The following CENPE variants were observed in gnomAD, a reference collection of about 807,000 sequenced individuals.
CENPE encodes centromere protein E.
CENPE carries 145 observed loss-of-function variants against 336.1 expected under a neutral mutation model. That is an observed-to-expected ratio of 0.43 (90% CI 0.38 to 0.50). The LOEUF (loss-of-function observed/expected upper bound fraction) is 0.50, where lower values mean the gene tolerates loss of function less well. Ranked by LOEUF, CENPE falls within the 20% of genes least tolerant of loss-of-function variation. The probability of loss-of-function intolerance (pLI) is 0.00; values close to 1 mark genes in which losing one functional copy is unlikely to be tolerated. For synonymous variants in CENPE, 1,013 were observed against 984.8 expected, an observed-to-expected ratio of 1.03 and a Z score of -0.54; for missense variants, 2,719 against 3,023.3, an observed-to-expected ratio of 0.90 and a Z score of 2.36.
Position 103,191,700 on chromosome 4 carries a change from C to T in CENPE, c.693+2529G>A, listed in dbSNP as rs143832506. Among the ~76,000 whole-genome samples, 17 of 151,402 alleles carry T rather than the reference C, an allele frequency of 1.1e-4. No individual in the cohort carries two copies. In the East Asian group the frequency reaches 1.4e-3, roughly 12 times the overall value. ...TAGGAGATATACCTAATGTAAATGA[C>T]GAGTTAATGGGTGCAGTATACCAAC... On this transcript the variant is annotated intron_variant, in intron 8 of 48. Coordinates refer to ENST00000265148, the MANE Select transcript of CENPE (RefSeq NM_001813.3).
At chr4:103,150,566 C>T (rs1753457217) in intron 26 of CENPE, among the ~76,000 whole-genome samples, 2 of 150,836 alleles carry the variant, frequency 1.3e-5, no homozygotes, top group South Asian at 4.2e-4. Flanking sequence ...GCCTGGGTGA[C>T]AGAGTGAGAC....
intron 8 of CENPE, among the ~76,000 whole-genome samples, chr4:103,189,526 A>G (rs956720722): frequency 1.3e-5 from 2 of 152,220 alleles, no homozygotes; most frequent in African/African-American, 4.8e-5. Context: ...TATAAACAGA[A>G]CCAAAGACAA....
chr4:103,160,842 A>G, intron 20 of CENPE, 63 bp from the exon 21 acceptor site: 6 of 1,383,056 alleles, frequency 4.3e-6, no homozygotes, highest in African/African-American at 1.5e-5. Flanking sequence ...TTAATTTTTA[A>G]TTGTCCTTGA....
chr4:103,119,520 T>A (rs1003196039), intron 44 of CENPE, among the ~76,000 whole-genome samples: 4 of 152,218 alleles, frequency 2.6e-5, no homozygotes, highest in African/African-American at 7.2e-5. Context: ...CAATGTTAAA[T>A]AATGAATAAA....
chr4:103,185,676 T>C (rs1045188153), intron 9 of CENPE, 134 bp downstream of exon 9: 3 of 505,786 alleles, frequency 5.9e-6, no homozygotes, highest in Non-Finnish European at 1.0e-5. Flanking sequence ...TATCAGAAAA[T>C]CACAATTAAT....
chr4:103,187,539 A>G (rs543900030), intron 8 of CENPE, among the ~76,000 whole-genome samples: 1 of 152,328 alleles, frequency 6.6e-6, no homozygotes, highest in East Asian at 1.9e-4. Flanking sequence ...TTTCATATCC[A>G]GCCAAACTAA....
Position 103,108,839 on chromosome 4 carries a change from G to T in CENPE, c.7975C>A (p.Arg2659Ser). ...SKSLPSPHPV[R>S]YFDNSSLGLC... The stretch of plus-strand genomic sequence containing the variant: ...CCTAAACTTGAGTTATCAAAATAGC[G>T]AACTGGATGAGGTGATGGTAAAGAC... Residue 2659 changes from arginine (R) to serine (S), a missense_variant, in exon 48 of 49, where the codon CGC (arginine) becomes AGC (serine). Arg to Ser is a moderately radical substitution (Grantham distance 110, BLOSUM62 -1). Transcript: ENST00000265148. The T allele has an allele frequency of 6.2e-7, 1 of 1,613,640 alleles. No homozygotes were observed. The highest frequency in any genetic ancestry group is 8.5e-7 in the Non-Finnish European group (1 of 1,179,776).
intron 46 of CENPE, among the ~76,000 whole-genome samples, chr4:103,111,682 A>G (rs1179574398): frequency 6.6e-6 from 1 of 151,958 alleles, no homozygotes; most frequent in Non-Finnish European, 1.5e-5. Flanking sequence ...ATGTACCTGA[A>G]AGTCATCTAC....
intron 35 of CENPE, 149 bp from the exon 36 acceptor site, chr4:103,141,253 A>G (rs1359596569): frequency 3.5e-6 from 2 of 571,718 alleles, no homozygotes; most frequent in Non-Finnish European, 6.1e-6. Flanking sequence ...CTTTTGAGGT[A>G]TAATATATAT....
intron 8 of CENPE, among the ~76,000 whole-genome samples, chr4:103,187,132 G>A (rs143310172): frequency 1.5e-3 from 227 of 152,166 alleles, no homozygotes; most frequent in African/African-American, 5.3e-3. Context: ...GCTAGATTGG[G>A]GAAGTTCTCC....
At chr4:103,171,311 A>T (rs571451055) in intron 16 of CENPE, among the ~76,000 whole-genome samples, 2 of 152,176 alleles carry the variant, frequency 1.3e-5, no homozygotes, top group Non-Finnish European at 2.9e-5. Context: ...AATCAAAATT[A>T]TATCAAGTAT....
chr4:103,159,156 A>T lies in CENPE; in HGVS notation c.2455T>A (p.Phe819Ile), dbSNP rs774239321. The change falls in exon 22 of 49, where the codon TTC becomes ATC. Residue 819 changes from phenylalanine (F) to isoleucine (I), a missense_variant. By Grantham distance (21) the Phe-to-Ile change is conservative (BLOSUM62 0). Transcript: ENST00000265148. Reference protein sequence around the residue: ...QSNYKSTDQEFQNFKTLHMDF... With the variant: ...QSNYKSTDQEIQNFKTLHMDF... Reference sequence around the variant, plus strand: ...ATATGAAGGGTTTTGAAATTTTGGAATTCTTGATCAGTGCTTTTATAATTC... The same window carrying T: ...ATATGAAGGGTTTTGAAATTTTGGATTTCTTGATCAGTGCTTTTATAATTC... The T allele has an allele frequency of 6.2e-7, 1 of 1,610,132 alleles. No individual in the cohort carries two copies. Among genetic ancestry groups the T allele is most frequent in the Admixed American group, 1.7e-5 (1 of 59,140 alleles).
At chr4:103,144,751 G>T in intron 32 of CENPE, 133 bp from the exon 33 acceptor site, 1 of 652,430 alleles carries the variant, frequency 1.5e-6, no homozygotes, top group Non-Finnish European at 2.6e-6. Context: ...TAAGGGATAT[G>T]AGTAACAATA....
chr4:103,162,229 TAG>T (rs1578637371), intron 18 of CENPE, among the ~76,000 whole-genome samples: 2 of 151,276 alleles, frequency 1.3e-5, no homozygotes, highest in East Asian at 3.9e-4. Context: ...AACAAAAGAA[TAG>T]AAGGTAACAA....
intron 13 of CENPE, among the ~76,000 whole-genome samples, chr4:103,179,320 T>C (rs1240202799): frequency 1.3e-5 from 2 of 152,212 alleles, no homozygotes; most frequent in Non-Finnish European, 2.9e-5. Context: ...CACAAGGCTG[T>C]TCTTTGTTGT....
chr4:103,133,253 C>T (rs1198100630), intron 41 of CENPE, among the ~76,000 whole-genome samples: 1 of 151,854 alleles, frequency 6.6e-6, no homozygotes, highest in Non-Finnish European at 1.5e-5. Flanking sequence ...ACTATGTTGC[C>T]CAGGCTGATC....
chr4:103,121,027 T>C (rs1051001576), intron 43 of CENPE, among the ~76,000 whole-genome samples: 1 of 152,122 alleles, frequency 6.6e-6, no homozygotes, highest in Non-Finnish European at 1.5e-5. Flanking sequence ...TGAACCACCA[T>C]GCCCACCCTT....
chr4:103,109,094 A>T lies in CENPE; in HGVS notation c.7725-5T>A. ...TTGGAAAGATGCTGATTATTGCTTAAATGTGGGGGAAGAAAAGAGAGACTG... is the reference window on the plus strand; with the variant it reads ...TTGGAAAGATGCTGATTATTGCTTATATGTGGGGGAAGAAAAGAGAGACTG... On this transcript the variant is annotated splice_region_variant and splice_polypyrimidine_tract_variant and intron_variant, in intron 47 of 48. Coordinates refer to ENST00000265148, the MANE Select transcript of CENPE (RefSeq NM_001813.3). 6.3e-7 allele frequency: 1 copy of T among 1,597,194 alleles called. No individual in the cohort carries two copies. The highest frequency in any genetic ancestry group is 8.5e-7 in the Non-Finnish European group (1 of 1,172,720).
chr4:103,138,361 G>C lies in CENPE; in HGVS notation c.6293C>G (p.Ser2098Cys). 1 of 1,607,040 alleles carries C rather than the reference G, an allele frequency of 6.2e-7. No homozygotes were observed. The highest frequency in any genetic ancestry group is 8.5e-7 in the Non-Finnish European group (1 of 1,173,636). ...HLTESLREKCSRIKELLKRYS... is the reference protein window; with the variant it reads ...HLTESLREKCCRIKELLKRYS... ...ACAGGGGGTACTTACTTTTATTCTA[G>C]AGCACTTTTCTCTCAGGCTTTCCGT... Residue 2098 changes from serine to cysteine, a missense_variant, in exon 39 of 49, where the codon TCT becomes TGT. Ser to Cys is a moderately radical substitution (Grantham distance 112). Coordinates refer to ENST00000265148, the MANE Select transcript of CENPE (RefSeq NM_001813.3).
Sources: gnomAD v4.1 joint callset for allele counts (sites outside exome capture counted in the v4.1 genomes callset) on GRCh38, gnomAD v4.1.1 for gene constraint, MANE v1.5 for transcripts, NCBI Gene and HGNC (gene_info 2026-07-23, HGNC 2026-07-21) for gene names.